Variants in FOXP2 observed in about 807,000 individuals in gnomAD.
The protein encoded by FOXP2 is forkhead box protein P2.
In FOXP2, 12 loss-of-function variants were observed where a neutral mutation model predicts 115.8. The observed-to-expected ratio is 0.10, with a 90% CI of 0.07 to 0.17. FOXP2 has a LOEUF of 0.17. Among genes scored for constraint, FOXP2 ranks in the 10% least tolerant of loss-of-function variants. The pLI is 1.00. For missense variants in FOXP2, 629 were observed against 843.5 expected, an observed-to-expected ratio of 0.75 and a Z score of 3.15; for synonymous variants, 328 against 297.7, an observed-to-expected ratio of 1.10 and a Z score of -1.05.
intron 1 of FOXP2, among the ~76,000 whole-genome samples, chr7:114,206,564 G>T (rs960775419): frequency 1.3e-5 from 2 of 152,008 alleles, no homozygotes; most frequent in African/African-American, 4.8e-5. Context: ...GTCTTCATCT[G>T]TCATGTCACT....
chr7:114,445,049 G>A (rs1422052987), intron 2 of FOXP2, among the ~76,000 whole-genome samples: 1 of 151,302 alleles, frequency 6.6e-6, no homozygotes, highest in Admixed American at 6.6e-5. Context: ...AGAGCCAGTG[G>A]CTTTTTTTTT....
intron 1 of FOXP2, among the ~76,000 whole-genome samples, chr7:114,090,156 G>A (rs890883496): frequency 3.3e-5 from 5 of 151,826 alleles, no homozygotes; most frequent in African/African-American, 1.2e-4. Context: ...CTGCCTCTCT[G>A]AATTAAATTG....
Position 114,232,668 on chromosome 7 carries a change from C to G in FOXP2, c.-101-55351C>G, listed in dbSNP as rs139278806. The stretch of plus-strand genomic sequence containing the variant: ...ATCTCTACTAAAAATACAAAATTAT[C>G]CAGGCATGGTGGCATATGCCTGTAA... On this transcript the variant is annotated intron_variant, in intron 1 of 17. Coordinates refer to the FOXP2 transcript ENST00000634411. 9.0e-3 allele frequency among the ~76,000 whole-genome samples: 1,365 copies of G among 152,094 alleles called. 15 individuals carry two copies. The highest frequency in any genetic ancestry group is 0.013 in the Non-Finnish European group (911 of 67,978).
chr7:114,545,364 G>C (rs980866365), intron 3 of FOXP2, among the ~76,000 whole-genome samples: 1 of 152,114 alleles, frequency 6.6e-6, no homozygotes, highest in Non-Finnish European at 1.5e-5. Flanking sequence ...ATTCTGAGCA[G>C]GTTTCTTGAG....
chr7:114,518,806 C>G (rs1798472421), intron 2 of FOXP2, among the ~76,000 whole-genome samples: 1 of 152,028 alleles, frequency 6.6e-6, no homozygotes, highest in South Asian at 2.1e-4. Context: ...ATGCTTGGCC[C>G]TAGAATTTTA....
At chr7:114,480,267 C>T (rs555442331) in intron 2 of FOXP2, among the ~76,000 whole-genome samples, 4 of 151,194 alleles carry the variant, frequency 2.6e-5, no homozygotes, top group Admixed American at 1.3e-4. Flanking sequence ...CTGTCCCCCT[C>T]TTCCTCCTCT....
Position 114,570,857 on chromosome 7 carries a change from T to G in FOXP2, c.258+36151T>G. 2.5e-6 allele frequency: 4 copies of G among 1,612,116 alleles called. No homozygotes were observed. Among genetic ancestry groups the G allele is most frequent in the Non-Finnish European group, 3.4e-6 (4 of 1,178,558 alleles). ...GTATCTGTGGCCACTCTTCTGGTGA[T>G]GGGCATCCTCACAACACATTTGCAG... On this transcript the variant is annotated intron_variant, in intron 3 of 16. Transcript: ENST00000350908.
intron 16 of FOXP2, chr7:114,669,323 T>A (rs1807364239): frequency 6.6e-6 from 1 of 152,082 alleles, no homozygotes; most frequent in Admixed American, 6.6e-5. Context: ...CATAATAATT[T>A]TTTGAAACTT....
At chr7:114,431,287 G>A (rs761993008) in intron 2 of FOXP2, among the ~76,000 whole-genome samples, 13 of 151,838 alleles carry the variant, frequency 8.6e-5, no homozygotes, top group Non-Finnish European at 1.8e-4. Flanking sequence ...GGGATGGGGC[G>A]CCTTTTCTCA....
intron 1 of FOXP2, among the ~76,000 whole-genome samples, chr7:114,150,525 A>G (rs545563593): frequency 1.3e-5 from 2 of 152,144 alleles, no homozygotes; most frequent in Admixed American, 6.6e-5. Flanking sequence ...AGCCCTGGAA[A>G]TTGTTCCCTG....
At chr7:114,501,596 G>A (rs1260832331) in intron 2 of FOXP2, among the ~76,000 whole-genome samples, 1 of 152,098 alleles carries the variant, frequency 6.6e-6, no homozygotes, top group Non-Finnish European at 1.5e-5. Flanking sequence ...TCATGAAAAG[G>A]TGTGCAACCT....
chr7:114,097,329 T>C (rs1171076251), intron 1 of FOXP2, among the ~76,000 whole-genome samples: 1 of 152,224 alleles, frequency 6.6e-6, no homozygotes, highest in East Asian at 1.9e-4. Context: ...CTAATCTGTT[T>C]TATGTCTCTA....
Position 114,653,989 on chromosome 7 carries a change from C to T in FOXP2, c.1246C>T (p.Pro416Ser). The stretch of plus-strand genomic sequence containing the variant: ...CCACTTGCACATGCGACCCTCAGAG[C>T]CCAAACCATCTCCCAAACCTGTAAG... The part of the protein sequence containing the change: ...MTHLHMRPSE[P>S]KPSPKPLNLV... The change falls in exon 10 of 17, where the codon CCC becomes TCC. Residue 416 changes from proline to serine, a missense_variant. By Grantham distance (74) the Pro-to-Ser change is moderately conservative. Around this residue, in one of 9 missense-constraint regions of FOXP2, gnomAD observed 101 missense variants for 116.0 expected, o/e 0.87. Transcript: ENST00000350908. 6.2e-7 allele frequency: 1 copy of T among 1,613,372 alleles called. No individual in the cohort carries two copies. The highest frequency in any genetic ancestry group is 8.5e-7 in the Non-Finnish European group (1 of 1,179,478).
At chr7:114,595,395 T>C (rs561137415) in intron 3 of FOXP2, among the ~76,000 whole-genome samples, 115 of 152,172 alleles carry the variant, frequency 7.6e-4, no homozygotes, top group African/African-American at 2.7e-3. Context: ...AATAAAATAG[T>C]ATCTGTCTCA....
intron 3 of FOXP2, among the ~76,000 whole-genome samples, chr7:114,601,901 GA>G (rs1307803521): frequency 4.6e-5 from 7 of 151,696 alleles, no homozygotes; most frequent in East Asian, 1.9e-4. Context: ...ATATATACTA[GA>G]AAAAAAGTAT....
intron 2 of FOXP2, among the ~76,000 whole-genome samples, chr7:114,493,322 T>C (rs1003810071): frequency 2.0e-5 from 3 of 152,124 alleles, no homozygotes; most frequent in Admixed American, 6.6e-5. Flanking sequence ...TGAGATGGGT[T>C]TCCTGAATAC....
chr7:114,426,612 G>T lies in FOXP2; in HGVS notation c.101G>T (p.Gly34Val). ...CAATTAGATGCTGGCAGCAGAGATG[G>T]AAGATCAAGTGGTGACACCAGCTCT... ...SSQLDAGSRD[G>V]RSSGDTSSEV... Residue 34 changes from glycine to valine, a missense_variant, in exon 2 of 17, where the codon GGA (glycine) becomes GTA (valine). Transcript: ENST00000350908. The T allele has an allele frequency of 6.2e-7, 1 of 1,611,710 alleles. No homozygotes were observed. The highest frequency in any genetic ancestry group is 8.5e-7 in the Non-Finnish European group (1 of 1,178,442).
intron 3 of FOXP2, among the ~76,000 whole-genome samples, chr7:114,559,983 C>T (rs976535230): frequency 6.6e-6 from 1 of 151,892 alleles, no homozygotes; most frequent in Non-Finnish European, 1.5e-5. Flanking sequence ...ACTTTAAAAT[C>T]TCAAATCCTT....
At chr7:114,224,444 A>T (rs557409374) in intron 1 of FOXP2, among the ~76,000 whole-genome samples, 61 of 152,296 alleles carry the variant, frequency 4.0e-4, no homozygotes, top group African/African-American at 1.4e-3. Context: ...ATCATTTTCT[A>T]TATAATGACT....
Sources: gnomAD v4.1 joint callset for allele counts (sites outside exome capture counted in the v4.1 genomes callset) on GRCh38, gnomAD v4.1.1 for gene constraint, gnomAD v4.1.1 regional missense constraint, MANE v1.5 for transcripts, NCBI Gene and HGNC (gene_info 2026-07-23, HGNC 2026-07-21) for gene names.